The following SKOR2 variants were observed in gnomAD, a reference collection of about 807,000 sequenced individuals.
SKOR2 encodes the protein LBX1 corepressor 1-like protein.
A neutral mutation model predicts 69.1 loss-of-function variants in SKOR2; 47 were observed. That is an observed-to-expected ratio of 0.68 (90% CI 0.54 to 0.87). SKOR2 has a LOEUF of 0.87. SKOR2 is among the 40% of genes least tolerant of loss of function. The pLI, the probability that SKOR2 is intolerant of heterozygous loss-of-function variation, is 0.00. For synonymous variants in SKOR2, 717 were observed against 672.6 expected, an observed-to-expected ratio of 1.07 and a Z score of -1.02; for missense variants, 1,404 against 1,472.2, an observed-to-expected ratio of 0.95 and a Z score of 0.76.
chr18:47,231,262 C>A, intron 4 of SKOR2: 1 of 1,189,764 alleles, frequency 8.4e-7, no homozygotes, highest in Non-Finnish European at 1.2e-6. Context: ...ATTCCCTCTC[C>A]AACCCCCTAC....
Position 47,246,929 on chromosome 18 carries a change from G to A in SKOR2, c.2255C>T (p.Pro752Leu). Residue 752 changes from proline (P) to leucine (L), a missense_variant, in exon 2 of 9, where the codon CCC becomes CTC. Physicochemically the swap from Pro to Leu is moderately conservative, Grantham distance 98. Coordinates refer to ENST00000425639, the MANE Select transcript of SKOR2 (RefSeq NM_001278063.4). ...ACCTTCCTCCTCTTCCTCGCCCTCG[G>A]GGGGCTTGTGGCCCTCCACGTCCAC... ...QEVDVEGHKP[P>L]EGEEEEEGRD... 1 of 1,495,574 alleles carries A rather than the reference G, an allele frequency of 6.7e-7. No individual in the cohort carries two copies. The highest frequency in any genetic ancestry group is 1.7e-4 in the Middle Eastern group (1 of 5,846). 92.6% of individuals were successfully genotyped at this position (1,495,574 alleles called of 1,614,324 possible).
intron 4 of SKOR2, among the ~76,000 whole-genome samples, chr18:47,239,805 T>C (rs1049456769): frequency 6.6e-6 from 1 of 152,218 alleles, no homozygotes; most frequent in African/African-American, 2.4e-5. Flanking sequence ...AAATACATTG[T>C]ACATAACTAA....
rs1231595182 is a variant in SKOR2 at position 47,219,960 on chromosome 18, C to G, written c.2968G>C (p.Val990Leu). Residue 990 changes from valine to leucine, a missense_variant, in exon 7 of 9, where the codon GTG becomes CTG. By Grantham distance (32) the Val-to-Leu change is conservative (BLOSUM62 1). Transcript: ENST00000425639. ...CAGCTTACAATTTGTAACTGTTGCA[C>G]CATTTCTTCTCGGTAGGCTAGCTCC... ...KRELAYREEM[V>L]QQLQIIPYAA... The G allele has an allele frequency of 4.6e-6, 7 of 1,535,744 alleles. No homozygotes were observed. Among genetic ancestry groups the G allele is most frequent in the Non-Finnish European group, 6.1e-6 (7 of 1,146,814 alleles).
Position 47,247,406 on chromosome 18 carries a change from C to T in SKOR2, c.1778G>A (p.Gly593Asp), listed in dbSNP as rs2144516704. ...CGCCGGAACCCGGGAGCCCGCGGGG[C>T]CAGACCCGGCGGCCGCGGCCCCTGC... ...AGAGAAAAGS[G>D]PAGSRVPAPH... The change falls in exon 2 of 9, where the codon GGC becomes GAC. Residue 593 changes from glycine to aspartate, a missense_variant. Gly to Asp is a moderately conservative substitution (Grantham distance 94). This residue lies in a region of SKOR2 where 1,266 missense variants were observed against 1,309.9 expected (regional missense o/e 0.97). Coordinates refer to ENST00000425639, the MANE Select transcript of SKOR2 (RefSeq NM_001278063.4). This position sits in a 1 kb window ranked among gnomAD's most constrained non-coding sequence, Gnocchi z 6.6. The T allele has an allele frequency of 2.3e-6, 3 of 1,325,394 alleles. No individual in the cohort carries two copies. The highest frequency in any genetic ancestry group is 1.9e-5 in the South Asian group (1 of 51,666). 82.1% of individuals were successfully genotyped at this position (1,325,394 alleles called of 1,614,324 possible). A position where few individuals can be genotyped will look rare whatever the true frequency, so the allele number is the denominator to read the frequency against.
chr18:47,236,278 A>G (rs768465626), intron 4 of SKOR2, among the ~76,000 whole-genome samples: 14 of 152,164 alleles, frequency 9.2e-5, no homozygotes, highest in Non-Finnish European at 1.6e-4. Flanking sequence ...CGCCTGAGTC[A>G]CTGCACCTGG....
At chr18:47,231,572 G>A (rs1166103787) in intron 4 of SKOR2, among the ~76,000 whole-genome samples, 1 of 152,104 alleles carries the variant, frequency 6.6e-6, no homozygotes, top group Non-Finnish European at 1.5e-5. Flanking sequence ...GGCCGGGCGC[G>A]GTGGCTCACG....
At chr18:47,208,945 T>A (rs1262554108) in intron 8 of SKOR2, among the ~76,000 whole-genome samples, 1 of 152,200 alleles carries the variant, frequency 6.6e-6, no homozygotes, top group Non-Finnish European at 1.5e-5. Flanking sequence ...CAATGGGGAC[T>A]ATGCTTAGGT....
At chr18:47,211,433 GA>G (rs1277790319) in intron 8 of SKOR2, among the ~76,000 whole-genome samples, 18 of 152,278 alleles carry the variant, frequency 1.2e-4, no homozygotes, top group African/African-American at 4.1e-4. Flanking sequence ...TCCATGGGCT[GA>G]AAAAGTTTCT....
chr18:47,248,028 G>A lies in SKOR2; in HGVS notation c.1156C>T (p.Pro386Ser). 6.9e-7 allele frequency: 1 copy of A among 1,440,604 alleles called. No homozygotes were observed. Among genetic ancestry groups the A allele is most frequent in the South Asian group, 1.4e-5 (1 of 73,088 alleles). The allele number at this position is 1,440,604 out of a possible 1,614,324, so 89.2% of individuals were successfully genotyped here. ...GPRSYPVIPV[P>S]SKGSFGGVLQ... ...ACGCCCCCGAACGAGCCCTTGCTGGGCACCGGGATGACTGGGTAGCTGCGC... is the reference window on the plus strand; with the variant it reads ...ACGCCCCCGAACGAGCCCTTGCTGGACACCGGGATGACTGGGTAGCTGCGC... Residue 386 changes from proline (P) to serine (S), a missense_variant, in exon 2 of 9, where the codon CCC (proline) becomes TCC (serine). Coordinates refer to ENST00000425639, the MANE Select transcript of SKOR2 (RefSeq NM_001278063.4). This position sits in a 1 kb window ranked among gnomAD's most constrained non-coding sequence, Gnocchi z 6.4.
In SKOR2 at chr18:47,246,961, C is replaced by T; in HGVS notation, c.2223G>A (p.Glu741=). 1.3e-6 allele frequency: 2 copies of T among 1,498,344 alleles called. No homozygotes were observed. The highest frequency in any genetic ancestry group is 2.8e-5 in the East Asian group (1 of 35,882). The allele number at this position is 1,498,344 out of a possible 1,614,324, so 92.8% of individuals were successfully genotyped here. Residue 741 remains glutamate (E), a synonymous_variant, in exon 2 of 9, where the codon GAG becomes GAA. Transcript: ENST00000425639. ...TGTGGCCCTCCACGTCCACCTCCTG[C>T]TCTTCTTCCTCGTCGTCCTCGTCCT... ...SSEDEDDEEE[E]QEVDVEGHKP...
chr18:47,210,713 G>C (rs550731130), intron 8 of SKOR2, among the ~76,000 whole-genome samples: 1 of 152,210 alleles, frequency 6.6e-6, no homozygotes, highest in South Asian at 2.1e-4. Context: ...ATATAGAACA[G>C]AGCCAACCTC....
intron 2 of SKOR2, 92 bp downstream of exon 2, chr18:47,246,479 T>G: frequency 1.5e-6 from 2 of 1,349,456 alleles, no homozygotes; most frequent in South Asian, 1.6e-5. Context: ...AATCTGGTGA[T>G]TCATCTTTCC....
chr18:47,216,281 A>G (rs1413042804), intron 7 of SKOR2, among the ~76,000 whole-genome samples: 1 of 152,206 alleles, frequency 6.6e-6, no homozygotes, highest in African/African-American at 2.4e-5. Context: ...GTTTTGCATA[A>G]CTAAATGTGG....
chr18:47,220,047 G>A, intron 6 of SKOR2, 37 bp from the exon 7 acceptor site: 1 of 1,488,714 alleles, frequency 6.7e-7, no homozygotes, highest in South Asian at 1.2e-5. Flanking sequence ...ATTAACTAAA[G>A]TGTAAAATCT....
In SKOR2 at chr18:47,245,256, G is replaced by T. The variant is rs2144512522; in HGVS notation, c.2677+242C>A. On this transcript the variant is annotated intron_variant, in intron 3 of 8. Coordinates refer to ENST00000425639, the MANE Select transcript of SKOR2 (RefSeq NM_001278063.4). Reference sequence around the variant, plus strand: ...ACATCATTCAAATGCAAAGAAGTATGCTGAGATTGTGAGAAATGGCACTGT... The same window carrying T: ...ACATCATTCAAATGCAAAGAAGTATTCTGAGATTGTGAGAAATGGCACTGT... 1.3e-5 allele frequency among the ~76,000 whole-genome samples: 2 copies of T among 152,260 alleles called. 1 individual carries two copies. Among genetic ancestry groups the T allele is most frequent in the Middle Eastern group, 6.8e-3 (2 of 294 alleles).
intron 7 of SKOR2, among the ~76,000 whole-genome samples, chr18:47,216,906 T>C (rs775849630): frequency 2.6e-5 from 4 of 152,218 alleles, no homozygotes; most frequent in Non-Finnish European, 5.9e-5. Flanking sequence ...GCAACCATAT[T>C]GACTGATGAA....
At chr18:47,239,978 T>G (rs2064241868) in intron 4 of SKOR2, among the ~76,000 whole-genome samples, 1 of 129,438 alleles carries the variant, frequency 7.7e-6, no homozygotes, top group South Asian at 2.6e-4. Flanking sequence ...TTTTTGCTTT[T>G]TTTTAAAAAA....
chr18:47,242,843 C>T (rs2064254819), intron 4 of SKOR2, among the ~76,000 whole-genome samples: 1 of 151,496 alleles, frequency 6.6e-6, no homozygotes, highest in South Asian at 2.1e-4. Flanking sequence ...AATTACAATG[C>T]ACTAATTTTA....
chr18:47,234,527 T>A (rs890511362), intron 4 of SKOR2: 1 of 152,142 alleles, frequency 6.6e-6, no homozygotes, highest in Non-Finnish European at 1.5e-5. Context: ...AATTTTAGTA[T>A]ATGTGCTGCC....
Sources: gnomAD v4.1 joint callset for allele counts (sites outside exome capture counted in the v4.1 genomes callset) on GRCh38, gnomAD v4.1.1 for gene constraint, gnomAD v4.1.1 regional missense constraint, Gnocchi (gnomAD v3.1) non-coding constraint, MANE v1.5 for transcripts, NCBI Gene and HGNC (gene_info 2026-07-23, HGNC 2026-07-21) for gene names.